AFF3: variants seen among roughly 807,000 people sequenced by gnomAD.
AFF3 encodes the protein AF4/FMR2 family member 3.
In AFF3, 32 loss-of-function variants were observed where a neutral mutation model predicts 129.7. The ratio of observed to expected loss-of-function variants is 0.25; its 90% CI spans 0.19 to 0.33. The LOEUF (loss-of-function observed/expected upper bound fraction) is 0.33, where lower values mean the gene tolerates loss of function less well. Ranked by LOEUF, AFF3 falls within the 10% of genes least tolerant of loss-of-function variation. AFF3 has a pLI of 1.00. For synonymous variants in AFF3, 644 were observed against 635.4 expected, an observed-to-expected ratio of 1.01 and a Z score of -0.20; for missense variants, 1,373 against 1,592.0, an observed-to-expected ratio of 0.86 and a Z score of 2.34.
chr2:99,940,335 T>G, intron 7 of AFF3, among the ~76,000 whole-genome samples: 1 of 152,240 alleles, frequency 6.6e-6, no homozygotes, highest in East Asian at 1.9e-4. Flanking sequence ...CAACTCCATC[T>G]TGAATAGGAG....
At chr2:99,754,365 T>C (rs1307753067) in intron 8 of AFF3, among the ~76,000 whole-genome samples, 1 of 152,204 alleles carries the variant, frequency 6.6e-6, no homozygotes. Context: ...ACAATTTACA[T>C]TGTCTGATCC....
rs774534077 is a variant in AFF3 at position 99,593,796 on chromosome 2, G to C, written c.1865C>G (p.Pro622Arg). Residue 622 changes from proline to arginine, a missense_variant, in exon 15 of 25, where the codon CCG becomes CGG. Around this residue, in one of 9 missense-constraint regions of AFF3, gnomAD observed 466 missense variants for 505.0 expected, o/e 0.92. Coordinates refer to ENST00000672756, the MANE Select transcript of AFF3 (RefSeq NM_001386135.1). The part of the protein sequence containing the change: ...DALGTSVVVP[P>R]EPTKTRPCGN... ...ACAGGGCCTGGTTTTGGTGGGCTCC[G>C]GGGGGACCACCACGCTCGTCCCCAG... The C allele has an allele frequency of 1.2e-6, 2 of 1,611,204 alleles. No homozygotes were observed. Among genetic ancestry groups the C allele is most frequent in the East Asian group, 4.5e-5 (2 of 44,826 alleles).
intron 10 of AFF3, among the ~76,000 whole-genome samples, chr2:99,743,755 C>T (rs1680913729): frequency 6.6e-6 from 1 of 152,046 alleles, no homozygotes; most frequent in Non-Finnish European, 1.5e-5. Context: ...TTTCTTTGCC[C>T]ACTCATTTTC....
chr2:99,707,449 T>C (rs1043834863), intron 11 of AFF3: 3 of 985,324 alleles, frequency 3.0e-6, no homozygotes, highest in Non-Finnish European at 3.6e-6. Flanking sequence ...TTTTTTTGCA[T>C]TTCAGCACGA....
rs552484456 is a variant in AFF3 at position 99,998,484 on chromosome 2, G to C, written c.873+8148C>G. ...ATCGCTGATGGAGATATCCAAGAATGGGGGAGAGGTGGGCAGAGGGCCTGT... is the reference window on the plus strand; with the variant it reads ...ATCGCTGATGGAGATATCCAAGAATCGGGGAGAGGTGGGCAGAGGGCCTGT... On this transcript the variant is annotated intron_variant, in intron 7 of 24. Transcript: ENST00000672756. Among the ~76,000 whole-genome samples the C allele has an allele frequency of 7.9e-5, 12 of 152,222 alleles. No individual in the cohort carries two copies. The South Asian group carries it at 2.5e-3, about 32-fold the overall frequency.
In AFF3 at chr2:99,982,363, G is replaced by A. The variant is rs181775993; in HGVS notation, c.873+24269C>T. ...TCTCTCTTTGCCTGCTGCCATCCAC[G>A]TAAGATGTGACTTGCTCCTTCTTGC... On this transcript the variant is annotated intron_variant, in intron 7 of 24. Transcript: ENST00000672756. 3.2e-4 allele frequency among the ~76,000 whole-genome samples: 49 copies of A among 152,272 alleles called. 1 individual carries two copies. In the East Asian group the frequency reaches 6.0e-3, roughly 19 times the overall value.
At chr2:100,021,827 T>C (rs1054636639) in intron 4 of AFF3, among the ~76,000 whole-genome samples, 15 of 152,198 alleles carry the variant, frequency 9.9e-5, no homozygotes, top group African/African-American at 3.6e-4. Context: ...AGAATCGGGA[T>C]TCTAAGTTGC....
chr2:99,607,527 G>A (rs1179951492), intron 13 of AFF3, among the ~76,000 whole-genome samples: 6 of 149,840 alleles, frequency 4.0e-5, no homozygotes, highest in African/African-American at 1.2e-4. Flanking sequence ...GTGAGACTCT[G>A]TCTCAAAAAA....
chr2:99,941,867 T>C (rs1675070896), intron 7 of AFF3, among the ~76,000 whole-genome samples: 1 of 152,188 alleles, frequency 6.6e-6, no homozygotes. Context: ...GAGCCTCTGC[T>C]CCACCCCTGC....
At chr2:100,139,217 C>G (rs1001171952) in intron 1 of AFF3, among the ~76,000 whole-genome samples, 1 of 152,164 alleles carries the variant, frequency 6.6e-6, no homozygotes, top group Non-Finnish European at 1.5e-5. Context: ...TGCCCTTTCT[C>G]TCTTCATTAT....
intron 11 of AFF3, among the ~76,000 whole-genome samples, chr2:99,684,937 CTTTCTT>C (rs1674902273): frequency 1.4e-5 from 2 of 145,392 alleles, no homozygotes; most frequent in Non-Finnish European, 1.5e-5. Flanking sequence ...CTTTTTCTTT[CTTTCTT>C]TTTTTTTTTT....
intron 1 of AFF3, among the ~76,000 whole-genome samples, chr2:100,140,843 G>A (rs1692837954): frequency 2.0e-5 from 3 of 152,098 alleles, no homozygotes; most frequent in Admixed American, 6.5e-5. Context: ...TACAGTGTAA[G>A]GACTGTAATG....
chr2:99,680,310 T>C (rs990382312), intron 11 of AFF3, among the ~76,000 whole-genome samples: 2 of 152,244 alleles, frequency 1.3e-5, no homozygotes, highest in African/African-American at 4.8e-5. Flanking sequence ...TGTCTTTGTC[T>C]GTTTTAAGGA....
chr2:99,797,357 G>A (rs1685624189), intron 8 of AFF3, among the ~76,000 whole-genome samples: 1 of 152,032 alleles, frequency 6.6e-6, no homozygotes, highest in African/African-American at 2.4e-5. Flanking sequence ...GAAAACATTA[G>A]TGAGCTTGAA....
At chr2:99,602,228 G>A (rs1194225074) in intron 13 of AFF3, among the ~76,000 whole-genome samples, 1 of 152,136 alleles carries the variant, frequency 6.6e-6, no homozygotes, top group Non-Finnish European at 1.5e-5. Flanking sequence ...AGCGATTACA[G>A]GTGCTGGGAT....
Position 99,546,746 on chromosome 2 carries a change from A to C in AFF3, c.*4728T>G, listed in dbSNP as rs1172772647. ...TTATTTTACTCAACCAAATATTGCA[A>C]ACATGATTCCACCATGTTGGTTTCA... On this transcript the variant is annotated 3_prime_UTR_variant, in exon 25 of 25. Transcript: ENST00000672756. 1 of 221,326 alleles carries C rather than the reference A, an allele frequency of 4.5e-6. No individual in the cohort carries two copies. The highest frequency in any genetic ancestry group is 2.2e-5 in the African/African-American group (1 of 44,642). 13.7% of individuals were successfully genotyped at this position (221,326 alleles called of 1,614,324 possible).
intron 7 of AFF3, among the ~76,000 whole-genome samples, chr2:99,912,022 C>T (rs1302117273): frequency 6.6e-6 from 1 of 152,142 alleles, no homozygotes; most frequent in Non-Finnish European, 1.5e-5. Flanking sequence ...AGCCAGCTCA[C>T]CAAGCCTCTG....
chr2:99,581,821 T>C (rs1677582710), intron 17 of AFF3, among the ~76,000 whole-genome samples: 1 of 151,158 alleles, frequency 6.6e-6, no homozygotes, highest in Non-Finnish European at 1.5e-5. Context: ...TAACATGTAG[T>C]GTTAGTTGCT....
intron 2 of AFF3, among the ~76,000 whole-genome samples, chr2:100,111,770 G>A (rs1691517630): frequency 6.6e-6 from 1 of 152,202 alleles, no homozygotes; most frequent in African/African-American, 2.4e-5. Flanking sequence ...CTGCATTACA[G>A]GGTTAGAACC....
Sources: gnomAD v4.1 joint callset for allele counts (sites outside exome capture counted in the v4.1 genomes callset) on GRCh38, gnomAD v4.1.1 for gene constraint, gnomAD v4.1.1 regional missense constraint, MANE v1.5 for transcripts, NCBI Gene and HGNC (gene_info 2026-07-23, HGNC 2026-07-21) for gene names.